The following SLC1A3 variants were observed in gnomAD, a reference collection of about 807,000 sequenced individuals.
The protein encoded by SLC1A3 is solute carrier family 1 member 3.
A neutral mutation model predicts 48.1 loss-of-function variants in SLC1A3; 21 were observed. The ratio of observed to expected loss-of-function variants is 0.44; its 90% CI spans 0.31 to 0.63. The LOEUF is 0.63. Ranked by LOEUF, SLC1A3 falls within the 20% of genes least tolerant of loss-of-function variation. The pLI, the probability that SLC1A3 is intolerant of heterozygous loss-of-function variation, is 0.08. For missense variants in SLC1A3, 546 were observed against 689.0 expected, an observed-to-expected ratio of 0.79 and a Z score of 2.32; for synonymous variants, 239 against 251.4, an observed-to-expected ratio of 0.95 and a Z score of 0.47.
intron 4 of SLC1A3, among the ~76,000 whole-genome samples, chr5:36,671,757 G>T (rs1299406715): frequency 6.6e-6 from 1 of 152,140 alleles, no homozygotes; most frequent in Non-Finnish European, 1.5e-5. Flanking sequence ...AATTTGGCAG[G>T]TCTGTAATAA....
intron 2 of SLC1A3, among the ~76,000 whole-genome samples, chr5:36,611,747 T>A (rs191652339): frequency 6.6e-6 from 1 of 152,328 alleles, no homozygotes; most frequent in Non-Finnish European, 1.5e-5. Flanking sequence ...TTATTGTCTT[T>A]CTTCCTCCAG....
chr5:36,615,982 C>T (rs952543747), intron 2 of SLC1A3, among the ~76,000 whole-genome samples: 4 of 152,100 alleles, frequency 2.6e-5, no homozygotes, highest in African/African-American at 9.7e-5. Context: ...TGGATTACTA[C>T]GTCAGGAGTT....
At chr5:36,676,755 G>C (rs1742224424) in intron 5 of SLC1A3, 137 bp from the exon 6 acceptor site, 1 of 680,694 alleles carries the variant, frequency 1.5e-6, no homozygotes, top group East Asian at 2.8e-5. Flanking sequence ...AAGAGAGAGA[G>C]AGACTTTCTA....
intron 1 of SLC1A3, among the ~76,000 whole-genome samples, chr5:36,597,502 A>T (rs1738759184): frequency 6.6e-6 from 1 of 151,974 alleles, no homozygotes; most frequent in Non-Finnish European, 1.5e-5. Context: ...TCGGCCTCCC[A>T]AAGTGCTGGG....
intron 3 of SLC1A3, among the ~76,000 whole-genome samples, chr5:36,665,248 C>T (rs1374199297): frequency 1.3e-5 from 2 of 150,890 alleles, no homozygotes; most frequent in Non-Finnish European, 2.9e-5. Flanking sequence ...TGGCCTCTAT[C>T]CAGCATAGCA....
At chr5:36,622,856 C>CA (rs35350307) in intron 2 of SLC1A3, among the ~76,000 whole-genome samples, 98,246 of 151,022 alleles carry the variant, frequency 0.65, 32,210 homozygotes, top group South Asian at 0.72. Context: ...AAAAAAAATA[C>CA]AAAAAATTAG....
intron 3 of SLC1A3, among the ~76,000 whole-genome samples, chr5:36,670,550 G>T (rs559910041): frequency 6.6e-6 from 1 of 152,272 alleles, no homozygotes; most frequent in South Asian, 2.1e-4. Flanking sequence ...TCTTTTGAAA[G>T]AATTTAATGG....
At chr5:36,607,972 A>T (rs557826400) in intron 1 of SLC1A3, among the ~76,000 whole-genome samples, 1 of 152,240 alleles carries the variant, frequency 6.6e-6, no homozygotes, top group Non-Finnish European at 1.5e-5. Flanking sequence ...CATTCAGTTC[A>T]ATTGGACATT....
At chr5:36,612,977 A>G (rs754659559) in intron 2 of SLC1A3, 7 of 397,548 alleles carry the variant, frequency 1.8e-5, no homozygotes, top group Non-Finnish European at 3.1e-5. Flanking sequence ...AATTGATTCA[A>G]TGAGAGAAGG....
At chr5:36,681,020 A>G (rs1284944064) in intron 8 of SLC1A3, among the ~76,000 whole-genome samples, 2 of 151,972 alleles carry the variant, frequency 1.3e-5, no homozygotes, top group Non-Finnish European at 2.9e-5. Flanking sequence ...ATCATTCTAT[A>G]TTTAGGTATT....
intron 3 of SLC1A3, among the ~76,000 whole-genome samples, chr5:36,644,792 G>A (rs767599796): frequency 4.0e-4 from 61 of 152,248 alleles, no homozygotes; most frequent in Non-Finnish European, 7.6e-4. Context: ...AGTTAACCAG[G>A]ATGTTAGTCT....
At chr5:36,645,143 C>T (rs1164425889) in intron 3 of SLC1A3, among the ~76,000 whole-genome samples, 1 of 151,922 alleles carries the variant, frequency 6.6e-6, no homozygotes, top group African/African-American at 2.4e-5. Context: ...AGCTCTAATT[C>T]CAAGTTAGTT....
intron 9 of SLC1A3, 47 bp downstream of exon 9, chr5:36,684,045 C>T: frequency 1.2e-6 from 2 of 1,612,496 alleles, no homozygotes; most frequent in Non-Finnish European, 1.7e-6. Context: ...CAGGGTCCCC[C>T]TCTGTCACTC....
At chr5:36,597,534 G>T (rs771718953) in intron 1 of SLC1A3, among the ~76,000 whole-genome samples, 19 of 152,024 alleles carry the variant, frequency 1.2e-4, no homozygotes, top group Non-Finnish European at 2.1e-4. Context: ...GAGCCACCGC[G>T]CCCGGCCCAA....
At chr5:36,686,024 A>T in intron 9 of SLC1A3, 41 bp from the exon 10 acceptor site, 1 of 1,550,708 alleles carries the variant, frequency 6.4e-7, no homozygotes, top group Non-Finnish European at 8.9e-7. Flanking sequence ...TGTGATGCTC[A>T]CGGGAGCCTC....
intron 3 of SLC1A3, chr5:36,668,205 T>C (rs1273348418): frequency 6.6e-6 from 1 of 152,270 alleles, no homozygotes; most frequent in African/African-American, 2.4e-5. Context: ...CTCTGTTTAG[T>C]CTCTGGTGTA....
At chr5:36,601,360 T>C (rs1738805584) in intron 1 of SLC1A3, among the ~76,000 whole-genome samples, 1 of 152,204 alleles carries the variant, frequency 6.6e-6, no homozygotes, top group Non-Finnish European at 1.5e-5. Flanking sequence ...TGTCCTTAAC[T>C]AAACAGACCA....
intron 2 of SLC1A3, 100 bp from the exon 3 acceptor site, chr5:36,629,350 A>G (rs1025595852): frequency 5.8e-6 from 6 of 1,042,686 alleles, no homozygotes; most frequent in Non-Finnish European, 8.6e-6. Context: ...TTAAATAAAT[A>G]CAACCACCAG....
intron 3 of SLC1A3, among the ~76,000 whole-genome samples, chr5:36,657,057 G>A (rs183413507): frequency 3.3e-4 from 50 of 152,270 alleles, no homozygotes; most frequent in Non-Finnish European, 4.4e-5. Context: ...AATAACTTCT[G>A]TTTGTATTGA....
Sources: gnomAD v4.1 joint callset for allele counts (sites outside exome capture counted in the v4.1 genomes callset) on GRCh38, gnomAD v4.1.1 for gene constraint, MANE v1.5 for transcripts, NCBI Gene and HGNC (gene_info 2026-07-23, HGNC 2026-07-21) for gene names.